SIM2: variants seen among roughly 807,000 people sequenced by gnomAD.
SIM2 encodes the protein single-minded homolog 2.
In SIM2, 28 loss-of-function variants were observed where a neutral mutation model predicts 64.8. That is an observed-to-expected ratio of 0.43 (90% CI 0.32 to 0.59). The LOEUF (loss-of-function observed/expected upper bound fraction) is 0.59, where lower values mean the gene tolerates loss of function less well. Ranked by LOEUF, SIM2 falls within the 20% of genes least tolerant of loss-of-function variation. SIM2 has a pLI of 0.07. For synonymous variants in SIM2, 408 were observed against 391.1 expected (o/e 1.04, Z -0.51); for missense variants, 847 against 871.4 (o/e 0.97, Z 0.35).
chr21:36,735,813 T>A (rs908699349), intron 7 of SIM2, among the ~76,000 whole-genome samples: 1 of 152,148 alleles, frequency 6.6e-6, no homozygotes, highest in Admixed American at 6.5e-5. Flanking sequence ...AGAGGCCGAC[T>A]TGGGGAGGAC....
At chr21:36,707,869 G>T (rs1601686756) in intron 1 of SIM2, among the ~76,000 whole-genome samples, 2 of 151,790 alleles carry the variant, frequency 1.3e-5, no homozygotes, top group South Asian at 2.1e-4. Flanking sequence ...CCCGTCCCTC[G>T]TATCCCGCGC....
In SIM2 at chr21:36,745,108, T is replaced by C; in HGVS notation, c.1548T>C (p.Ala516=). 1 of 1,612,350 alleles carries C rather than the reference T, an allele frequency of 6.2e-7. No individual in the cohort carries two copies. Among genetic ancestry groups the C allele is most frequent in the Non-Finnish European group, 8.5e-7 (1 of 1,179,004 alleles). ...CTCCAGAGCCACCGGCGAACACTGC[T>C]AGGCACAGCCTGGTGCCAAGCTACG... ...KNPPEPPANT[A]RHSLVPSYEA... Residue 516 remains alanine (A), a synonymous_variant, in exon 10 of 11, where the codon GCT becomes GCC. Coordinates refer to ENST00000290399, the MANE Select transcript of SIM2 (RefSeq NM_005069.6). The surrounding 1 kb of genome is among the most constrained non-coding windows in gnomAD (Gnocchi z 4.8).
intron 7 of SIM2, among the ~76,000 whole-genome samples, chr21:36,740,173 C>T (rs1430769470): frequency 6.7e-6 from 1 of 149,116 alleles, no homozygotes; most frequent in Admixed American, 6.7e-5. Flanking sequence ...TAGTTATATT[C>T]ACAGTGTTGA....
At chr21:36,737,690 G>A (rs1200110307) in intron 7 of SIM2, among the ~76,000 whole-genome samples, 1 of 152,188 alleles carries the variant, frequency 6.6e-6, no homozygotes, top group East Asian at 1.9e-4. Context: ...GCCATGTGCA[G>A]CTATTAAAAC....
chr21:36,719,771 G>A (rs79727992), intron 3 of SIM2, 50 bp from the exon 4 acceptor site: 43,133 of 1,156,442 alleles, frequency 0.037, 978 homozygotes, highest in South Asian at 0.053. Flanking sequence ...CTCCCCCTGC[G>A]CCAATCCCAG....
intron 1 of SIM2, among the ~76,000 whole-genome samples, chr21:36,701,995 G>A (rs1270270408): frequency 6.6e-6 from 1 of 152,236 alleles, no homozygotes; most frequent in Non-Finnish European, 1.5e-5. Context: ...CCAGAAATTA[G>A]TAAGGGAGGG....
In SIM2 at chr21:36,745,104, C is replaced by T. The variant is rs548039650; in HGVS notation, c.1544C>T (p.Thr515Ile). ...AKNPPEPPAN[T>I]ARHSLVPSYE... Reference sequence around the variant, plus strand: ...AATCCTCCAGAGCCACCGGCGAACACTGCTAGGCACAGCCTGGTGCCAAGC... The same window carrying T: ...AATCCTCCAGAGCCACCGGCGAACATTGCTAGGCACAGCCTGGTGCCAAGC... The change falls in exon 10 of 11, where the codon ACT becomes ATT. Residue 515 changes from threonine (T) to isoleucine (I), a missense_variant. Physicochemically the swap from Thr to Ile is moderately conservative, Grantham distance 89. Coordinates refer to ENST00000290399, the MANE Select transcript of SIM2 (RefSeq NM_005069.6). The surrounding 1 kb of genome is among the most constrained non-coding windows in gnomAD (Gnocchi z 4.8). The T allele has an allele frequency of 1.2e-6, 2 of 1,612,364 alleles. No homozygotes were observed. Among genetic ancestry groups the T allele is most frequent in the South Asian group, 1.1e-5 (1 of 90,840 alleles).
Position 36,745,542 on chromosome 21 carries a change from T to A in SIM2, c.1576+406T>A. On this transcript the variant is annotated intron_variant, in intron 10 of 10. Transcript: ENST00000290399. The surrounding 1 kb of genome is among the most constrained non-coding windows in gnomAD (Gnocchi z 4.8). ...AAGTGAATATTTGAGACAAACGGCC[T>A]ATTGGCTATTTTCCCATGCCAGTTT... The A allele has an allele frequency of 8.9e-7, 1 of 1,119,440 alleles. No homozygotes were observed. The highest frequency in any genetic ancestry group is 2.3e-5 in the South Asian group (1 of 43,388). 69.3% of individuals were successfully genotyped at this position (1,119,440 alleles called of 1,614,324 possible).
intron 1 of SIM2, among the ~76,000 whole-genome samples, chr21:36,705,551 C>T (rs1038480448): frequency 5.9e-5 from 9 of 152,162 alleles, no homozygotes; most frequent in South Asian, 2.1e-4. Context: ...GGGCCGCGCT[C>T]GTTTAATCCC....
chr21:36,708,515 T>C (rs1469579209), intron 1 of SIM2, among the ~76,000 whole-genome samples: 3 of 152,184 alleles, frequency 2.0e-5, no homozygotes, highest in Admixed American at 6.5e-5. Flanking sequence ...CGCCGGCAGA[T>C]TGGAGTCTGC....
chr21:36,718,196 T>C (rs1294306617), intron 3 of SIM2, among the ~76,000 whole-genome samples: 1 of 152,204 alleles, frequency 6.6e-6, no homozygotes, highest in East Asian at 1.9e-4. Context: ...AGCAACTCGC[T>C]CTTCTTAACA....
At chr21:36,725,810 G>A (rs1295075017) in intron 5 of SIM2, among the ~76,000 whole-genome samples, 3 of 152,102 alleles carry the variant, frequency 2.0e-5, no homozygotes, top group Admixed American at 6.6e-5. Context: ...TTGTAGAGAA[G>A]GGGTTTCGCC....
intron 5 of SIM2, among the ~76,000 whole-genome samples, chr21:36,725,124 T>A (rs1456531184): frequency 2.6e-5 from 4 of 152,132 alleles, no homozygotes; most frequent in Admixed American, 6.5e-5. Context: ...TGTGGGAGGA[T>A]TGCTTGAGCC....
rs1194720952 is a variant in SIM2, at chr21:36,749,785, T to C, written c.*1693T>C. 6.6e-6 allele frequency: 1 copy of C among 152,254 alleles called. No individual in the cohort carries two copies. The highest frequency in any genetic ancestry group is 6.5e-5 in the Admixed American group (1 of 15,286). The allele number at this position is 152,254 out of a possible 1,614,324, so 9.4% of individuals were successfully genotyped here. A position where few individuals can be genotyped will look rare whatever the true frequency, so the allele number is the denominator to read the frequency against. Reference sequence around the variant, plus strand: ...CCACCGACATTTTTCAATAAAGTACTGCAAAATGCTTTTGTGTCTACCTTG... The same window carrying C: ...CCACCGACATTTTTCAATAAAGTACCGCAAAATGCTTTTGTGTCTACCTTG... On this transcript the variant is annotated 3_prime_UTR_variant, in exon 11 of 11. Coordinates refer to ENST00000290399, the MANE Select transcript of SIM2 (RefSeq NM_005069.6).
Position 36,723,134 on chromosome 21 carries a change from C to CGGGG in SIM2, c.543+5_543+8dup, listed in dbSNP as rs2088846471. The CGGGG allele has an allele frequency of 1.2e-6, 2 of 1,612,640 alleles. No homozygotes were observed. Among genetic ancestry groups the CGGGG allele is most frequent in the African/African-American group, 2.7e-5 (2 of 74,826 alleles). On this transcript the variant is annotated splice_donor_region_variant and intron_variant, in intron 5 of 10. Coordinates refer to ENST00000290399, the MANE Select transcript of SIM2 (RefSeq NM_005069.6). ...CCTGACCTGCAGCGGATACAAGGTA[C>CGGGG]GGGGAGTCATGGGTGCGGGGAGGAG...
chr21:36,699,909 G>T lies in SIM2; in HGVS notation c.163G>T (p.Val55Phe), dbSNP rs1458140476. The T allele has an allele frequency of 6.2e-7, 1 of 1,601,686 alleles. No homozygotes were observed. The change falls in exon 1 of 11, where the codon GTC becomes TTC. Residue 55 changes from valine to phenylalanine, a missense_variant. Val to Phe is a conservative substitution (Grantham distance 50, BLOSUM62 -1). Transcript: ENST00000290399. The surrounding 1 kb of genome is among the most constrained non-coding windows in gnomAD (Gnocchi z 5.6). Reference protein sequence around the residue: ...LTTSYLKMRAVFPEGLGDAWG... With the variant: ...LTTSYLKMRAFFPEGLGDAWG... The stretch of plus-strand genomic sequence containing the variant: ...CACGAGCTACCTGAAGATGCGCGCC[G>T]TCTTCCCCGAAGGTGAGGCCTCAGG...
At chr21:36,708,323 G>C (rs987409475) in intron 1 of SIM2, among the ~76,000 whole-genome samples, 2 of 152,258 alleles carry the variant, frequency 1.3e-5, no homozygotes, top group Non-Finnish European at 2.9e-5. Flanking sequence ...GGTCGAGGGT[G>C]CAGCAGGAGG....
Position 36,748,368 on chromosome 21 carries a change from G to C in SIM2, c.*276G>C. On this transcript the variant is annotated 3_prime_UTR_variant, in exon 11 of 11. Transcript: ENST00000290399. ...GGCTTGGTTTCCTCACCTTGAAATC[G>C]GGCTTCACGCGTCTTGCCTTGTCCC... 1 of 173,646 alleles carries C rather than the reference G, an allele frequency of 5.8e-6. No individual in the cohort carries two copies. The highest frequency in any genetic ancestry group is 1.2e-5 in the Non-Finnish European group (1 of 81,802). 10.8% of individuals were successfully genotyped at this position (173,646 alleles called of 1,614,324 possible). A position where few individuals can be genotyped will look rare whatever the true frequency, so the allele number is the denominator to read the frequency against.
rs1015212327 is a variant in SIM2 at position 36,726,654 on chromosome 21, T to C, written c.743+336T>C. Among the ~76,000 whole-genome samples, 7 of 152,250 alleles carry C rather than the reference T, an allele frequency of 4.6e-5. No homozygotes were observed. The highest frequency in any genetic ancestry group is 1.7e-4 in the African/African-American group (7 of 41,470). ...ATGGGCTGTGAGCACAGGTTGGGCT[T>C]TTTTGAAGGCCATGATGTCAGAGCT... On this transcript the variant is annotated intron_variant, in intron 6 of 10. Coordinates refer to ENST00000290399, the MANE Select transcript of SIM2 (RefSeq NM_005069.6). This position sits in a 1 kb window ranked among gnomAD's most constrained non-coding sequence, Gnocchi z 4.5.
Sources: allele counts gnomAD v4.1 joint callset (sites outside exome capture counted in the v4.1 genomes callset), GRCh38; gene constraint gnomAD v4.1.1; non-coding constraint Gnocchi (gnomAD v3.1); transcripts MANE v1.5; gene names NCBI Gene and HGNC (gene_info 2026-07-23, HGNC 2026-07-21).